Variants in NREP observed in about 807,000 individuals in gnomAD.
The protein encoded by NREP is neuronal regeneration-related protein.
A neutral mutation model predicts 8.6 loss-of-function variants in NREP; 5 were observed. The ratio of observed to expected loss-of-function variants is 0.58; its 90% CI spans 0.30 to 1.22. The LOEUF is 1.22. Ranked by LOEUF, NREP falls within the 50% of genes most tolerant of loss-of-function variation. The pLI, the probability that NREP is intolerant of heterozygous loss-of-function variation, is 0.07. For missense variants in NREP, 86 were observed against 82.5 expected (o/e 1.04, Z -0.17); for synonymous variants, 27 against 28.0 (o/e 0.96, Z 0.11).
chr5:111,766,141 C>T (rs1275829249), intron 2 of NREP, among the ~76,000 whole-genome samples: 1 of 152,124 alleles, frequency 6.6e-6, no homozygotes, highest in Non-Finnish European at 1.5e-5. Flanking sequence ...TGCATATAGC[C>T]TTTTCATTCT....
At chr5:111,931,975 T>A (rs1755550079) in intron 2 of NREP, among the ~76,000 whole-genome samples, 1 of 152,104 alleles carries the variant, frequency 6.6e-6, no homozygotes, top group Admixed American at 6.6e-5. Context: ...CATCTCATTG[T>A]ATCCTTAGAA....
At chr5:111,843,372 T>A (rs1020314421) in intron 2 of NREP, among the ~76,000 whole-genome samples, 17 of 151,964 alleles carry the variant, frequency 1.1e-4, no homozygotes, top group Admixed American at 1.1e-3. Flanking sequence ...CTTGGGTCAT[T>A]GCATTTTTTA....
At chr5:111,971,318 A>G (rs951236871) in intron 2 of NREP, among the ~76,000 whole-genome samples, 1 of 152,158 alleles carries the variant, frequency 6.6e-6, no homozygotes, top group African/African-American at 2.4e-5. Flanking sequence ...TCTCAATCAC[A>G]TTTTTTTCAC....
At chr5:111,840,637 C>G (rs891054501) in intron 2 of NREP, among the ~76,000 whole-genome samples, 1 of 152,114 alleles carries the variant, frequency 6.6e-6, no homozygotes, top group Non-Finnish European at 1.5e-5. Flanking sequence ...AAGTCAGTCA[C>G]TCTTTAGAAA....
intron 2 of NREP, among the ~76,000 whole-genome samples, chr5:111,971,741 T>C (rs918331797): frequency 1.2e-4 from 19 of 152,168 alleles, no homozygotes; most frequent in Non-Finnish European, 2.6e-4. Flanking sequence ...ATTAAAGACT[T>C]ACATTTAAGA....
At chr5:111,830,633 G>T (rs931783110) in intron 2 of NREP, among the ~76,000 whole-genome samples, 1 of 152,234 alleles carries the variant, frequency 6.6e-6, no homozygotes, top group African/African-American at 2.4e-5. Context: ...GCTGCTTTAA[G>T]AGAAGGTGTG....
chr5:111,903,751 C>T (rs1213092448), intron 2 of NREP, among the ~76,000 whole-genome samples: 1 of 152,074 alleles, frequency 6.6e-6, no homozygotes, highest in African/African-American at 2.4e-5. Flanking sequence ...TAAGCAGCAA[C>T]ACAGAGAAAA....
intron 2 of NREP, among the ~76,000 whole-genome samples, chr5:111,935,969 G>A (rs544724833): frequency 3.9e-5 from 6 of 152,138 alleles, no homozygotes; most frequent in African/African-American, 9.6e-5. Flanking sequence ...GCTCTAGGAG[G>A]GAATGCTTCC....
chr5:111,818,705 T>C (rs1369591783), intron 2 of NREP, among the ~76,000 whole-genome samples: 1 of 152,220 alleles, frequency 6.6e-6, no homozygotes, highest in Non-Finnish European at 1.5e-5. Flanking sequence ...AGAAACACTC[T>C]CATGCATATG....
At chr5:111,854,293 T>C (rs1384223825) in intron 2 of NREP, among the ~76,000 whole-genome samples, 1 of 152,170 alleles carries the variant, frequency 6.6e-6, no homozygotes, top group Non-Finnish European at 1.5e-5. Context: ...CTGAGAGTTA[T>C]TAGAGCACAT....
intron 2 of NREP, among the ~76,000 whole-genome samples, chr5:111,766,279 A>G (rs1751081283): frequency 6.6e-6 from 1 of 152,158 alleles, no homozygotes; most frequent in African/African-American, 2.4e-5. Flanking sequence ...TGACTGGGAA[A>G]ACCTAAGAGG....
intron 2 of NREP, among the ~76,000 whole-genome samples, chr5:111,893,425 G>T (rs1456212216): frequency 6.6e-6 from 1 of 151,736 alleles, no homozygotes; most frequent in African/African-American, 2.4e-5. Flanking sequence ...CCTTCTGTAG[G>T]TTCTCACTGT....
intron 2 of NREP, among the ~76,000 whole-genome samples, chr5:111,914,755 C>A (rs1371720364): frequency 6.6e-6 from 1 of 151,976 alleles, no homozygotes; most frequent in Non-Finnish European, 1.5e-5. Context: ...AGCTGAAGTT[C>A]CACAAAATGG....
intron 2 of NREP, among the ~76,000 whole-genome samples, chr5:111,829,738 C>G (rs940830171): frequency 3.3e-5 from 5 of 152,192 alleles, no homozygotes; most frequent in Non-Finnish European, 2.9e-5. Context: ...ATAGCCCACT[C>G]ACCCTGCTAT....
chr5:111,752,508 C>A (rs1750425946), intron 2 of NREP, among the ~76,000 whole-genome samples: 1 of 152,168 alleles, frequency 6.6e-6, no homozygotes, highest in Non-Finnish European at 1.5e-5. Context: ...ATGAATAGGA[C>A]CGCATCCCTC....
intron 2 of NREP, among the ~76,000 whole-genome samples, chr5:111,814,129 T>C (rs1752332259): frequency 6.6e-6 from 1 of 152,104 alleles, no homozygotes; most frequent in Non-Finnish European, 1.5e-5. Flanking sequence ...AGGATTCTGC[T>C]GAAGGCAGGT....
chr5:111,743,514 A>C (rs1351811009), intron 2 of NREP, among the ~76,000 whole-genome samples: 1 of 152,188 alleles, frequency 6.6e-6, no homozygotes, highest in Non-Finnish European at 1.5e-5. Context: ...GAAATTAGGA[A>C]TATGACATCT....
chr5:111,954,137 T>C (rs1450834251), intron 2 of NREP, among the ~76,000 whole-genome samples: 2 of 152,134 alleles, frequency 1.3e-5, no homozygotes, highest in Non-Finnish European at 2.9e-5. Flanking sequence ...CATCTATCTA[T>C]GGCCAAGATG....
chr5:111,824,346 A>G (rs1395703292), intron 2 of NREP, among the ~76,000 whole-genome samples: 1 of 152,184 alleles, frequency 6.6e-6, no homozygotes, highest in Non-Finnish European at 1.5e-5. Flanking sequence ...TCCAGCCTGG[A>G]CGACAGAGCG....
Sources: gnomAD v4.1 joint callset for allele counts (sites outside exome capture counted in the v4.1 genomes callset) on GRCh38, gnomAD v4.1.1 for gene constraint, MANE v1.5 for transcripts, NCBI Gene and HGNC (gene_info 2026-07-23, HGNC 2026-07-21) for gene names.